Variants in ATG10 observed in about 807,000 individuals in gnomAD.
ATG10 encodes the protein autophagy related 10.
A neutral mutation model predicts 32.1 loss-of-function variants in ATG10; 30 were observed. The observed-to-expected ratio is 0.94, with a 90% CI of 0.70 to 1.27. The LOEUF is 1.27. Among genes scored for constraint, ATG10 ranks in the 50% most tolerant of loss-of-function variants. The pLI, the probability that ATG10 is intolerant of heterozygous loss-of-function variation, is 0.00. For synonymous variants in ATG10, 87 were observed against 91.5 expected (o/e 0.95, Z 0.28); for missense variants, 233 against 262.3 (o/e 0.89, Z 0.77).
intron 3 of ATG10, among the ~76,000 whole-genome samples, chr5:82,080,112 G>A (rs1300908265): frequency 1.3e-5 from 2 of 152,144 alleles, no homozygotes; most frequent in South Asian, 2.1e-4. Flanking sequence ...TTATCTGATG[G>A]CCAGTGATGA....
chr5:82,210,966 A>G (rs1260925800), intron 5 of ATG10, among the ~76,000 whole-genome samples: 1 of 152,314 alleles, frequency 6.6e-6, no homozygotes, highest in East Asian at 1.9e-4. Context: ...GAACTAGATG[A>G]CATCTAAGTT....
chr5:82,037,160 G>C (rs1284317523), intron 2 of ATG10, among the ~76,000 whole-genome samples: 1 of 125,642 alleles, frequency 8.0e-6, no homozygotes, highest in African/African-American at 3.0e-5. Context: ...AAAAAATTCA[G>C]TTGAGTCCCT....
At chr5:82,168,087 T>TC (rs969725647) in intron 4 of ATG10, among the ~76,000 whole-genome samples, 2 of 152,178 alleles carry the variant, frequency 1.3e-5, no homozygotes, top group South Asian at 2.1e-4. Context: ...TTTCTTTTTT[T>TC]CCCACTGTTT....
intron 5 of ATG10, among the ~76,000 whole-genome samples, chr5:82,233,334 C>G (rs1334513320): frequency 6.6e-6 from 1 of 152,192 alleles, no homozygotes; most frequent in Non-Finnish European, 1.5e-5. Context: ...ATTGCCCTTT[C>G]AACACATTTC....
At chr5:82,229,708 G>A (rs920837098) in intron 5 of ATG10, among the ~76,000 whole-genome samples, 6 of 152,278 alleles carry the variant, frequency 3.9e-5, no homozygotes, top group Admixed American at 3.9e-4. Context: ...AATGGCCCGT[G>A]AAGACCAAGG....
At chr5:82,092,307 T>C (rs964150893) in intron 3 of ATG10, among the ~76,000 whole-genome samples, 1 of 152,182 alleles carries the variant, frequency 6.6e-6, no homozygotes, top group Non-Finnish European at 1.5e-5. Flanking sequence ...AGAATTAAAA[T>C]ATAAAAGCAC....
chr5:82,084,482 C>T lies in ATG10; in HGVS notation c.216+25880C>T, dbSNP rs140046682. Among the ~76,000 whole-genome samples, 886 of 152,204 alleles carry T rather than the reference C, an allele frequency of 5.8e-3. 7 individuals are homozygous for T. Among genetic ancestry groups the T allele is most frequent in the African/African-American group, 0.02 (821 of 41,526 alleles). On this transcript the variant is annotated intron_variant, in intron 3 of 7. Coordinates refer to ENST00000282185, the MANE Select transcript of ATG10 (RefSeq NM_031482.5). Reference sequence around the variant, plus strand: ...ATTCAAATTGAGGAAATACAAAGAACGCCACAAAGATACTCATCAAGAAGA... The same window carrying T: ...ATTCAAATTGAGGAAATACAAAGAATGCCACAAAGATACTCATCAAGAAGA...
chr5:82,023,983 A>G (rs1251535900), intron 2 of ATG10, among the ~76,000 whole-genome samples: 1 of 152,214 alleles, frequency 6.6e-6, no homozygotes, highest in Non-Finnish European at 1.5e-5. Context: ...GGTGTAGTGC[A>G]TGTGCATTTA....
intron 2 of ATG10, among the ~76,000 whole-genome samples, chr5:82,022,629 CTTTTTT>C (rs34410757): frequency 7.4e-6 from 1 of 135,198 alleles, no homozygotes; most frequent in South Asian, 2.4e-4. Context: ...AGCCAGTACT[CTTTTTT>C]TTTTTTTTTT....
chr5:82,178,436 G>A (rs954569491), intron 4 of ATG10, 54 bp from the exon 5 acceptor site: 1 of 1,064,394 alleles, frequency 9.4e-7, no homozygotes, highest in Admixed American at 1.8e-5. Flanking sequence ...TTGACACCAA[G>A]CACCATTGTG....
Position 82,181,665 on chromosome 5 carries a change from A to C in ATG10, c.453+3078A>C, listed in dbSNP as rs975055510. On this transcript the variant is annotated intron_variant, in intron 5 of 7. Coordinates refer to ENST00000282185, the MANE Select transcript of ATG10 (RefSeq NM_031482.5). ...AGAATCATTAGCTTGCGGACTGAAC[A>C]TGATAATAATATGCTGTCCTCCAGA... Among the ~76,000 whole-genome samples, 15 of 152,002 alleles carry C rather than the reference A, an allele frequency of 9.9e-5. 1 individual carries two copies. Among genetic ancestry groups the C allele is most frequent in the Admixed American group, 8.5e-4 (13 of 15,234 alleles).
chr5:82,039,993 A>G (rs1763034439), intron 2 of ATG10, among the ~76,000 whole-genome samples: 1 of 152,118 alleles, frequency 6.6e-6, no homozygotes, highest in Admixed American at 6.6e-5. Flanking sequence ...GTATACTGGG[A>G]TCTTATGGGG....
intron 3 of ATG10, among the ~76,000 whole-genome samples, chr5:82,141,044 T>G (rs1356629433): frequency 8.2e-6 from 1 of 121,520 alleles, no homozygotes; most frequent in Non-Finnish European, 1.7e-5. Flanking sequence ...TTAAGAGTCA[T>G]CACCAATCCC....
At chr5:82,176,264 G>A (rs1054347663) in intron 4 of ATG10, among the ~76,000 whole-genome samples, 6 of 152,090 alleles carry the variant, frequency 3.9e-5, no homozygotes, top group Non-Finnish European at 7.4e-5. Context: ...GCCCTCAGAG[G>A]CAGCGTGGAC....
chr5:82,178,124 A>G (rs955634610), intron 4 of ATG10, among the ~76,000 whole-genome samples: 1 of 152,142 alleles, frequency 6.6e-6, no homozygotes, highest in African/African-American at 2.4e-5. Flanking sequence ...GTAAGTATGA[A>G]GGATTCAGAG....
At chr5:82,141,174 G>C (rs970275544) in intron 3 of ATG10, among the ~76,000 whole-genome samples, 3 of 144,964 alleles carry the variant, frequency 2.1e-5, no homozygotes, top group South Asian at 2.3e-4. Flanking sequence ...ATTGTCCCAT[G>C]ACCCTGCCAA....
intron 2 of ATG10, among the ~76,000 whole-genome samples, chr5:82,004,385 A>AT (rs1393218984): frequency 6.6e-6 from 1 of 152,168 alleles, no homozygotes; most frequent in African/African-American, 2.4e-5. Flanking sequence ...TGTATGAAGT[A>AT]TTTGCGTCCC....
intron 2 of ATG10, among the ~76,000 whole-genome samples, chr5:82,038,625 G>T (rs184186251): frequency 1.3e-5 from 2 of 152,284 alleles, no homozygotes; most frequent in Admixed American, 6.5e-5. Flanking sequence ...CCCCTGGCCA[G>T]TTCTCTCTTT....
chr5:81,993,686 A>G (rs1761575070), intron 2 of ATG10, among the ~76,000 whole-genome samples: 1 of 151,978 alleles, frequency 6.6e-6, no homozygotes, highest in South Asian at 2.1e-4. Flanking sequence ...TTGGCTTCCC[A>G]AAGTACTGGG....
Sources: allele counts gnomAD v4.1 joint callset (sites outside exome capture counted in the v4.1 genomes callset), GRCh38; gene constraint gnomAD v4.1.1; transcripts MANE v1.5; gene names NCBI Gene and HGNC (gene_info 2026-07-23, HGNC 2026-07-21).